The following MAPRE2 variants were observed in gnomAD, a reference collection of about 807,000 sequenced individuals.
MAPRE2 encodes the protein microtubule associated protein RP/EB family member 2.
Under a neutral mutation model 43.2 loss-of-function variants are expected in MAPRE2, and 13 were observed. That is an observed-to-expected ratio of 0.30 (90% confidence interval 0.20 to 0.48). The LOEUF is 0.48. MAPRE2 is among the 20% of genes least tolerant of loss of function. The pLI, the probability that MAPRE2 is intolerant of heterozygous loss-of-function variation, is 0.99. For synonymous variants in MAPRE2, 135 were observed against 148.8 expected (o/e 0.91, Z 0.68); for missense variants, 161 against 400.2 (o/e 0.40, Z 5.10).
chr18:35,040,069 G>A (rs532650822), upstream of MAPRE2, among the ~76,000 whole-genome samples: 3 of 152,330 alleles, frequency 2.0e-5, no homozygotes, highest in Middle Eastern at 3.4e-3. Flanking sequence ...TGGGTGTGGC[G>A]GCGTGCGCCT....
At chr18:34,978,501 G>T (rs1207135155) in intron 1 of MAPRE2, 2 of 1,551,492 alleles carry the variant, frequency 1.3e-6, no homozygotes, top group African/African-American at 1.4e-5. Context: ...CACTTTTGCT[G>T]AATAGGACAC....
chr18:35,099,060 C>T (rs536692958), intron 3 of MAPRE2, among the ~76,000 whole-genome samples: 4 of 152,238 alleles, frequency 2.6e-5, no homozygotes, highest in South Asian at 2.1e-4. Context: ...TGAACTTTTG[C>T]CCTGAAGCTT....
intron 1 of MAPRE2, among the ~76,000 whole-genome samples, chr18:35,001,160 G>T (rs1339918265): frequency 6.6e-6 from 1 of 152,116 alleles, no homozygotes; most frequent in African/African-American, 2.4e-5. Flanking sequence ...CATTTTATAA[G>T]ATTTTGAAAA....
intron 4 of MAPRE2, among the ~76,000 whole-genome samples, chr18:35,105,971 T>C (rs1308160941): frequency 6.6e-6 from 1 of 152,144 alleles, no homozygotes. Context: ...CCTCATGAGC[T>C]CTATTTTTAC....
intron 3 of MAPRE2, among the ~76,000 whole-genome samples, chr18:35,098,036 C>G (rs1908505825): frequency 6.6e-6 from 1 of 152,116 alleles, no homozygotes; most frequent in African/African-American, 2.4e-5. Context: ...CTAAAAACCC[C>G]TTATTCATGG....
intron 1 of MAPRE2, among the ~76,000 whole-genome samples, chr18:35,062,297 G>A (rs760735701): frequency 6.6e-6 from 1 of 152,224 alleles, no homozygotes; most frequent in Non-Finnish European, 1.5e-5. Context: ...GGGCATGAAT[G>A]TACAATTTGC....
intron 4 of MAPRE2, among the ~76,000 whole-genome samples, chr18:35,115,364 T>A (rs1444892279): frequency 6.6e-6 from 1 of 152,224 alleles, no homozygotes; most frequent in East Asian, 1.9e-4. Context: ...AGAAAATGTT[T>A]CCTTTTGAAA....
chr18:34,978,415 T>G (rs1421278483), intron 1 of MAPRE2: 2 of 1,041,460 alleles, frequency 1.9e-6, no homozygotes, highest in Non-Finnish European at 2.9e-6. Flanking sequence ...CGGTCCCAGC[T>G]GGGGTGAAGT....
Position 35,127,000 on chromosome 18 carries a change from C to T in MAPRE2, c.663C>T (p.Pro221=), listed in dbSNP as rs760616219. ...AACCAGGATCCACACCTTCTCGACC[C>T]TCATCAGCCAAAAGGGCTTCTTCCA... is the stretch of plus-strand genomic sequence containing the variant. ...AAKPGSTPSR[P]SSAKRASSSG... Residue 221 remains proline (P), a synonymous_variant, in exon 5 of 7, where the codon CCC becomes CCT. Transcript: ENST00000300249. The T allele has an allele frequency of 6.2e-7, 1 of 1,614,142 alleles. No individual in the cohort carries two copies. The highest frequency in any genetic ancestry group is 1.1e-5 in the South Asian group (1 of 91,086).
At chr18:35,011,656 G>A (rs1053985819) in intron 2 of MAPRE2, among the ~76,000 whole-genome samples, 3 of 152,156 alleles carry the variant, frequency 2.0e-5, no homozygotes, top group African/African-American at 7.2e-5. Context: ...AGACCAGGCG[G>A]AAGATGATTA....
chr18:35,047,131 G>A (rs1310062951), intron 1 of MAPRE2, among the ~76,000 whole-genome samples: 3 of 152,180 alleles, frequency 2.0e-5, no homozygotes, highest in African/African-American at 7.2e-5. Context: ...AGTGGATGGA[G>A]TTTACCCTAA....
chr18:34,982,172 T>G (rs1237535211), intron 1 of MAPRE2, among the ~76,000 whole-genome samples: 1 of 152,148 alleles, frequency 6.6e-6, no homozygotes, highest in Non-Finnish European at 1.5e-5. Context: ...CGTGAGTCAC[T>G]GCGCCCGGCC....
upstream of MAPRE2, chr18:35,041,320 G>T: frequency 2.1e-6 from 3 of 1,423,484 alleles, no homozygotes; most frequent in Non-Finnish European, 2.7e-6. Flanking sequence ...ATGGCAACAG[G>T]CTGGCCACGT....
intron 1 of MAPRE2, among the ~76,000 whole-genome samples, chr18:35,001,721 T>C (rs867926843): frequency 3.6e-4 from 55 of 152,094 alleles, no homozygotes; most frequent in African/African-American, 1.2e-3. Flanking sequence ...GGTGAGTTTT[T>C]TTTTTCTTGG....
chr18:35,098,966 C>T (rs1407358947), intron 3 of MAPRE2, among the ~76,000 whole-genome samples: 2 of 152,186 alleles, frequency 1.3e-5, no homozygotes, highest in Non-Finnish European at 2.9e-5. Flanking sequence ...CGGTGAGAGA[C>T]AGCATTAAGT....
At chr18:35,064,858 A>G (rs1377052877) in intron 1 of MAPRE2, among the ~76,000 whole-genome samples, 1 of 152,232 alleles carries the variant, frequency 6.6e-6, no homozygotes, top group African/African-American at 2.4e-5. Context: ...ATTGGCCCTC[A>G]GCTGGAGGCT....
intron 4 of MAPRE2, among the ~76,000 whole-genome samples, chr18:35,125,810 T>C (rs1241917839): frequency 6.6e-6 from 1 of 152,258 alleles, no homozygotes. Flanking sequence ...AGGTCTTACC[T>C]GAAACCAATG....
At chr18:35,002,485 A>G (rs1454689449) in intron 1 of MAPRE2, among the ~76,000 whole-genome samples, 1 of 152,222 alleles carries the variant, frequency 6.6e-6, no homozygotes, top group Non-Finnish European at 1.5e-5. Flanking sequence ...TAAAACTACA[A>G]AACTGTTTTC....
intron 4 of MAPRE2, among the ~76,000 whole-genome samples, chr18:35,126,302 G>T (rs910797953): frequency 1.3e-5 from 2 of 152,138 alleles, no homozygotes; most frequent in Non-Finnish European, 2.9e-5. Flanking sequence ...TATAAATCCT[G>T]GAGCACCTCC....
Sources: allele counts gnomAD v4.1 joint callset (sites outside exome capture counted in the v4.1 genomes callset), GRCh38; gene constraint gnomAD v4.1.1; transcripts MANE v1.5; gene names NCBI Gene and HGNC (gene_info 2026-07-23, HGNC 2026-07-21).